The following MTUS2 variants were observed in gnomAD, a reference collection of about 807,000 sequenced individuals.
MTUS2 encodes the protein microtubule associated scaffold protein 2.
In MTUS2, 40 loss-of-function variants were observed where a neutral mutation model predicts 114.1. The observed-to-expected ratio is 0.35, with a 90% CI of 0.27 to 0.46. The LOEUF (loss-of-function observed/expected upper bound fraction) is 0.46. Ranked by LOEUF, MTUS2 falls within the 20% of genes least tolerant of loss-of-function variation. The probability of loss-of-function intolerance (pLI) is 1.00; values close to 1 mark genes in which losing one functional copy is unlikely to be tolerated. For missense variants in MTUS2, 1,679 were observed against 1,705.4 expected (o/e 0.98, Z 0.27); for synonymous variants, 688 against 672.0 (o/e 1.02, Z -0.37).
chr13:29,360,419 A>G (rs1870125074), intron 8 of MTUS2, among the ~76,000 whole-genome samples: 1 of 152,192 alleles, frequency 6.6e-6, no homozygotes, highest in Admixed American at 6.5e-5. Context: ...CTACTCCAGT[A>G]TAGAAGCCTG....
intron 2 of MTUS2, among the ~76,000 whole-genome samples, chr13:28,875,979 A>G (rs1209310350): frequency 1.3e-5 from 2 of 152,268 alleles, no homozygotes; most frequent in Non-Finnish European, 2.9e-5. Flanking sequence ...AAATTCCTGC[A>G]GCTGCCTGCA....
chr13:29,003,359 G>T (rs1885466292), intron 2 of MTUS2, among the ~76,000 whole-genome samples: 1 of 152,216 alleles, frequency 6.6e-6, no homozygotes, highest in Non-Finnish European at 1.5e-5. Context: ...CTGGATTCAA[G>T]TCCAGGGAGT....
chr13:29,275,693 A>G (rs574937334), intron 5 of MTUS2, among the ~76,000 whole-genome samples: 6 of 152,358 alleles, frequency 3.9e-5, no homozygotes, highest in African/African-American at 1.4e-4. Context: ...GTTGCAAATG[A>G]CAGGGCTCCA....
chr13:29,169,836 A>G (rs1026231583), intron 5 of MTUS2, among the ~76,000 whole-genome samples: 2 of 152,182 alleles, frequency 1.3e-5, no homozygotes, highest in Admixed American at 1.3e-4. Context: ...GGTGATGGCA[A>G]GCGAGTTGCA....
chr13:28,974,448 GT>G (rs1883996637), intron 2 of MTUS2, among the ~76,000 whole-genome samples: 1 of 152,138 alleles, frequency 6.6e-6, no homozygotes, highest in South Asian at 2.1e-4. Flanking sequence ...AAATGGCTAA[GT>G]TTTTAGAAAT....
intron 9 of MTUS2, among the ~76,000 whole-genome samples, chr13:29,441,009 C>T (rs1877801781): frequency 6.6e-6 from 1 of 152,184 alleles, no homozygotes; most frequent in Non-Finnish European, 1.5e-5. Context: ...TTTTTCTCCC[C>T]TGTGAGTTCT....
chr13:29,370,030 G>C (rs1416765245), intron 8 of MTUS2, among the ~76,000 whole-genome samples: 1 of 152,164 alleles, frequency 6.6e-6, no homozygotes, highest in Non-Finnish European at 1.5e-5. Flanking sequence ...CTTTTAATGT[G>C]AATGGTCTAA....
chr13:29,290,003 G>A (rs1023122002), intron 6 of MTUS2, among the ~76,000 whole-genome samples: 2 of 152,144 alleles, frequency 1.3e-5, no homozygotes, highest in Admixed American at 1.3e-4. Context: ...TTCCCCCTCA[G>A]AAACCTGCAT....
intron 14 of MTUS2, 58 bp from the exon 15 acceptor site, chr13:29,501,039 G>A (rs1022993003): frequency 2.3e-5 from 32 of 1,413,324 alleles, no homozygotes; most frequent in Middle Eastern, 1.8e-4. Context: ...TGAGGGCACC[G>A]GTTTACTCCC....
chr13:29,375,433 C>T lies in MTUS2; in HGVS notation c.3117+15960C>T, dbSNP rs964624388. On this transcript the variant is annotated intron_variant, in intron 8 of 15. Coordinates refer to ENST00000612955, the MANE Select transcript of MTUS2 (RefSeq NM_001033602.4). Reference sequence around the variant, plus strand: ...ATTACTTACTTTTAATGGCAAAAACCGCAATTACTTACTTTTAATGGCAAC... The same window carrying T: ...ATTACTTACTTTTAATGGCAAAAACTGCAATTACTTACTTTTAATGGCAAC... Among the ~76,000 whole-genome samples, 4 of 120,558 alleles carry T rather than the reference C, an allele frequency of 3.3e-5. 1 individual carries two copies. Among genetic ancestry groups the T allele is most frequent in the Non-Finnish European group, 7.0e-5 (4 of 56,738 alleles). 79.1% of individuals were successfully genotyped at this position (120,558 alleles called of 152,430 possible).
chr13:29,452,044 A>T (rs1467859151), intron 9 of MTUS2, among the ~76,000 whole-genome samples: 1 of 152,246 alleles, frequency 6.6e-6, no homozygotes, highest in African/African-American at 2.4e-5. Flanking sequence ...CAAACCAGTG[A>T]TGTCAACTGC....
chr13:28,977,191 AC>A (rs1381314602), intron 2 of MTUS2, among the ~76,000 whole-genome samples: 15 of 152,156 alleles, frequency 9.9e-5, no homozygotes, highest in African/African-American at 3.4e-4. Context: ...AGTTGTAGAT[AC>A]ATTTTTCACA....
chr13:29,394,845 G>A (rs559043892), intron 8 of MTUS2, among the ~76,000 whole-genome samples: 7 of 152,314 alleles, frequency 4.6e-5, no homozygotes, highest in African/African-American at 1.4e-4. Context: ...GCATGTGAGG[G>A]ATCTAGGTTG....
At position 28,860,342 on chromosome 13, in the gene MTUS2, C is replaced by T. The variant is rs577405410; in HGVS notation, c.-243+20492C>T. Among the ~76,000 whole-genome samples the T allele has an allele frequency of 2.0e-5, 3 of 152,242 alleles. No individual in the cohort carries two copies. In the South Asian group the frequency reaches 6.2e-4, roughly 32 times the overall value. On this transcript the variant is annotated intron_variant, in intron 2 of 15. Transcript: ENST00000612955. ...GAATCAGGTTGTTTGACTTTCTTCC[C>T]CCTAAGAGGTTAGTATCTGAAGTGA...
chr13:28,931,395 T>G (rs1342705302), intron 2 of MTUS2, among the ~76,000 whole-genome samples: 1 of 152,128 alleles, frequency 6.6e-6, no homozygotes, highest in Non-Finnish European at 1.5e-5. Flanking sequence ...GGGGGCAGTT[T>G]CCCCCATGTT....
At position 29,194,581 on chromosome 13, in the gene MTUS2, A is replaced by G. The variant is rs1894594261; in HGVS notation, c.2645-87123A>G. ...CACCAGTTAGAATGGCAATCATTAA[A>G]AAGTCAGGAAACAACAGGTGCTGGA... On this transcript the variant is annotated intron_variant, in intron 5 of 15. Coordinates refer to ENST00000612955, the MANE Select transcript of MTUS2 (RefSeq NM_001033602.4). 4.6e-5 allele frequency among the ~76,000 whole-genome samples: 7 copies of G among 152,050 alleles called. No individual in the cohort carries two copies. In the South Asian group the frequency reaches 1.5e-3, roughly 32 times the overall value.
chr13:28,888,816 C>CGA (rs147836788), intron 2 of MTUS2, among the ~76,000 whole-genome samples: 30,438 of 151,990 alleles, frequency 0.2, 4,175 homozygotes, highest in African/African-American at 0.39. Context: ...AGAGATATTT[C>CGA]GAGAGAGAGA....
intron 9 of MTUS2, among the ~76,000 whole-genome samples, chr13:29,469,284 T>C (rs1378560702): frequency 1.3e-5 from 2 of 152,036 alleles, no homozygotes; most frequent in Non-Finnish European, 2.9e-5. Context: ...TTCTAATCTC[T>C]CTTTATCGGG....
At chr13:29,385,751 C>T (rs1400386152) in intron 8 of MTUS2, among the ~76,000 whole-genome samples, 7 of 152,162 alleles carry the variant, frequency 4.6e-5, no homozygotes, top group African/African-American at 1.7e-4. Context: ...CCAGAATTCT[C>T]ATCATCTCTT....
Sources: gnomAD v4.1 joint callset for allele counts (sites outside exome capture counted in the v4.1 genomes callset) on GRCh38, gnomAD v4.1.1 for gene constraint, MANE v1.5 for transcripts, NCBI Gene and HGNC (gene_info 2026-07-23, HGNC 2026-07-21) for gene names.